Variants in GALNT18 observed in about 807,000 individuals in gnomAD.
GALNT18 encodes GalNAc-transferase 18.
In GALNT18, 44 loss-of-function variants were observed where a neutral mutation model predicts 69.5. The observed-to-expected ratio is 0.63, with a 90% CI of 0.50 to 0.81. GALNT18 has a LOEUF of 0.81. GALNT18 is among the 40% of genes least tolerant of loss of function. GALNT18 has a pLI of 0.00. For synonymous variants in GALNT18, 364 were observed against 318.2 expected (o/e 1.14, Z -1.53); for missense variants, 715 against 810.0 (o/e 0.88, Z 1.42).
intron 6 of GALNT18, chr11:11,352,766 GTTGT>G: frequency 6.2e-7 from 1 of 1,614,154 alleles, no homozygotes; most frequent in Non-Finnish European, 8.5e-7. Context: ...TGAAGTCTGT[GTTGT>G]TTACGTGTTC....
At chr11:11,448,989 C>A in intron 1 of GALNT18, 53 bp from the exon 2 acceptor site, 1 of 1,350,540 alleles carries the variant, frequency 7.4e-7, no homozygotes, top group Non-Finnish European at 9.9e-7. Context: ...CCTGCATGTG[C>A]CATGACAATC....
At position 11,601,110 on chromosome 11, in the gene GALNT18, G is replaced by A. The variant is rs1222964275; in HGVS notation, c.235+20249C>T. 6.6e-6 allele frequency among the ~76,000 whole-genome samples: 1 copy of A among 152,112 alleles called. No homozygotes were observed. Among genetic ancestry groups the A allele is most frequent in the African/African-American group, 2.4e-5 (1 of 41,416 alleles). ...ACAAATATATAATAGCTACTTTGCT[G>A]TCTTTTTCTGGTAAGTCTCACATCC... On this transcript the variant is annotated intron_variant, in intron 1 of 10. Coordinates refer to ENST00000227756, the MANE Select transcript of GALNT18 (RefSeq NM_198516.3). The surrounding 1 kb of genome is among the most constrained non-coding windows in gnomAD (Gnocchi z 4.0).
chr11:11,296,443 G>A (rs766168607), intron 9 of GALNT18, among the ~76,000 whole-genome samples: 3 of 152,178 alleles, frequency 2.0e-5, no homozygotes. Context: ...GGACACTGTA[G>A]CTCTTAATCT....
chr11:11,484,560 T>C (rs1385172401), intron 1 of GALNT18, among the ~76,000 whole-genome samples: 2 of 122,220 alleles, frequency 1.6e-5, no homozygotes, highest in African/African-American at 6.5e-5. Flanking sequence ...GCCATTGCAC[T>C]CCAGCCTGGG....
intron 1 of GALNT18, among the ~76,000 whole-genome samples, chr11:11,599,885 ACTTAT>A (rs1859594551): frequency 6.6e-6 from 1 of 152,016 alleles, no homozygotes; most frequent in Non-Finnish European, 1.5e-5. Context: ...CACCTCACAT[ACTTAT>A]CTTTTTTGTG....
At chr11:11,539,784 C>T (rs534420282) in intron 1 of GALNT18, among the ~76,000 whole-genome samples, 2 of 152,096 alleles carry the variant, frequency 1.3e-5, no homozygotes, top group Non-Finnish European at 2.9e-5. Flanking sequence ...TCTTAGAAAG[C>T]AAAGGAAAAC....
At chr11:11,526,542 G>A (rs1237880138) in intron 1 of GALNT18, among the ~76,000 whole-genome samples, 1 of 152,028 alleles carries the variant, frequency 6.6e-6, no homozygotes, top group African/African-American at 2.4e-5. Flanking sequence ...AAAATATAGT[G>A]TATTTGTCAG....
chr11:11,313,151 T>C (rs1253047414), intron 9 of GALNT18, among the ~76,000 whole-genome samples: 2 of 151,990 alleles, frequency 1.3e-5, no homozygotes, highest in African/African-American at 2.4e-5. Flanking sequence ...GCTCTAATGC[T>C]CGGGCCCTGG....
intron 1 of GALNT18, among the ~76,000 whole-genome samples, chr11:11,615,360 T>C (rs1590142207): frequency 6.6e-6 from 1 of 152,212 alleles, no homozygotes; most frequent in Admixed American, 6.5e-5. Context: ...AATATGCACA[T>C]AATATGACTA....
At chr11:11,409,022 G>T (rs1589977603) in intron 3 of GALNT18, among the ~76,000 whole-genome samples, 1 of 152,222 alleles carries the variant, frequency 6.6e-6, no homozygotes, top group East Asian at 1.9e-4. Flanking sequence ...TGGTGGTGAG[G>T]CATTGAGGTG....
At position 11,590,028 on chromosome 11, in the gene GALNT18, C is replaced by A. The variant is rs1350216406; in HGVS notation, c.235+31331G>T. On this transcript the variant is annotated intron_variant, in intron 1 of 10. Coordinates refer to ENST00000227756, the MANE Select transcript of GALNT18 (RefSeq NM_198516.3). The surrounding 1 kb of genome is among the most constrained non-coding windows in gnomAD (Gnocchi z 4.4). ...TACTCCTGGCTCTGCCACTTGCTACCTTTGTGACTTTACCTAGGGGTGATA... is the reference window on the plus strand; with the variant it reads ...TACTCCTGGCTCTGCCACTTGCTACATTTGTGACTTTACCTAGGGGTGATA... Among the ~76,000 whole-genome samples, 2 of 152,216 alleles carry A rather than the reference C, an allele frequency of 1.3e-5. No homozygotes were observed. The highest frequency in any genetic ancestry group is 1.3e-4 in the Admixed American group (2 of 15,278).
chr11:11,386,515 C>A (rs1854060318), intron 3 of GALNT18, among the ~76,000 whole-genome samples: 1 of 152,196 alleles, frequency 6.6e-6, no homozygotes, highest in African/African-American at 2.4e-5. Context: ...ATTTTCAACT[C>A]TTGACCTATA....
Position 11,341,152 on chromosome 11 carries a change from A to C in GALNT18, c.1093-148T>G. 1.6e-6 allele frequency: 1 copy of C among 637,324 alleles called. No homozygotes were observed. The highest frequency in any genetic ancestry group is 3.1e-5 in the Admixed American group (1 of 32,022). 39.5% of individuals were successfully genotyped at this position (637,324 alleles called of 1,614,324 possible). ...CACTCTCTGTGAAGGAGTAGGCCAT[A>C]CCTGATTTCTGCTCCTATAGCAGCA... is the stretch of plus-strand genomic sequence containing the variant. On this transcript the variant is annotated intron_variant, in intron 6 of 10. Coordinates refer to ENST00000227756, the MANE Select transcript of GALNT18 (RefSeq NM_198516.3). This position sits in a 1 kb window ranked among gnomAD's most constrained non-coding sequence, Gnocchi z 6.3.
rs1267401365 is a variant in GALNT18, at chr11:11,591,699, G to A, written c.235+29660C>T. ...AAAGGAGGCTGAGATAGTAATAGAA[G>A]TGCATTTTCTTTAGTGCCAGATGGA... On this transcript the variant is annotated intron_variant, in intron 1 of 10. Transcript: ENST00000227756. The surrounding 1 kb of genome is among the most constrained non-coding windows in gnomAD (Gnocchi z 4.8). 6.6e-6 allele frequency among the ~76,000 whole-genome samples: 1 copy of A among 152,204 alleles called. No individual in the cohort carries two copies.
chr11:11,327,805 A>G (rs1453337262), intron 8 of GALNT18, among the ~76,000 whole-genome samples: 1 of 152,204 alleles, frequency 6.6e-6, no homozygotes. Context: ...TGGGTAAGAC[A>G]GCTTATATTC....
Position 11,421,061 on chromosome 11 carries a change from C to T in GALNT18, c.595+11560G>A, listed in dbSNP as rs1854994253. ...GAGCAAAAAGAAGGAAGGTCCTTTG[C>T]CCTCCCAGGTGCTGTCCTTCGTCAG... On this transcript the variant is annotated intron_variant, in intron 3 of 10. Coordinates refer to ENST00000227756, the MANE Select transcript of GALNT18 (RefSeq NM_198516.3). This position sits in a 1 kb window ranked among gnomAD's most constrained non-coding sequence, Gnocchi z 5.6. Among the ~76,000 whole-genome samples, 1 of 152,168 alleles carries T rather than the reference C, an allele frequency of 6.6e-6. No individual in the cohort carries two copies. The highest frequency in any genetic ancestry group is 2.4e-5 in the African/African-American group (1 of 41,434).
intron 1 of GALNT18, among the ~76,000 whole-genome samples, chr11:11,561,152 A>C (rs1858494832): frequency 6.6e-6 from 1 of 152,156 alleles, no homozygotes; most frequent in African/African-American, 2.4e-5. Flanking sequence ...ATCCATGAGA[A>C]ACAGCAGCAG....
In GALNT18 at chr11:11,598,654, T is replaced by A. The variant is rs1859559107; in HGVS notation, c.235+22705A>T. The stretch of plus-strand genomic sequence containing the variant: ...AGTCCCAGGGATTGGAACATGGATA[T>A]CTTTTGGAGAAACTTTTGTCAACCT... On this transcript the variant is annotated intron_variant, in intron 1 of 10. Coordinates refer to ENST00000227756, the MANE Select transcript of GALNT18 (RefSeq NM_198516.3). The surrounding 1 kb of genome is among the most constrained non-coding windows in gnomAD (Gnocchi z 4.8). 6.6e-6 allele frequency among the ~76,000 whole-genome samples: 1 copy of A among 152,226 alleles called. No individual in the cohort carries two copies. The highest frequency in any genetic ancestry group is 1.5e-5 in the Non-Finnish European group (1 of 68,028).
intron 10 of GALNT18, among the ~76,000 whole-genome samples, chr11:11,275,891 T>A (rs907070314): frequency 1.3e-5 from 2 of 152,192 alleles, no homozygotes; most frequent in African/African-American, 4.8e-5. Flanking sequence ...CATTGGTCTA[T>A]CTCTCTGTTT....
Sources: gnomAD v4.1 joint callset for allele counts (sites outside exome capture counted in the v4.1 genomes callset) on GRCh38, gnomAD v4.1.1 for gene constraint, Gnocchi (gnomAD v3.1) non-coding constraint, MANE v1.5 for transcripts, NCBI Gene and HGNC (gene_info 2026-07-23, HGNC 2026-07-21) for gene names.